Variants in IRF2 observed in about 807,000 individuals in gnomAD.
IRF2 encodes the protein interferon regulatory factor 2.
IRF2 carries 15 observed loss-of-function variants against 40.6 expected under a neutral mutation model. The ratio of observed to expected loss-of-function variants is 0.37; its 90% CI spans 0.25 to 0.57. The LOEUF is 0.57. Among genes scored for constraint, IRF2 ranks in the 20% least tolerant of loss-of-function variants. IRF2 has a pLI of 0.77. For missense variants in IRF2, 317 were observed against 455.7 expected (o/e 0.70, Z 2.77); for synonymous variants, 151 against 165.5 (o/e 0.91, Z 0.67).
intron 2 of IRF2, among the ~76,000 whole-genome samples, chr4:184,427,519 A>G (rs950292268): frequency 6.6e-6 from 1 of 152,092 alleles, no homozygotes; most frequent in Non-Finnish European, 1.5e-5. Flanking sequence ...CCAGGAGCGC[A>G]CCTGTGGTCC....
At chr4:184,471,508 G>A (rs1739513114) in intron 1 of IRF2, among the ~76,000 whole-genome samples, 1 of 152,188 alleles carries the variant, frequency 6.6e-6, no homozygotes, top group South Asian at 2.1e-4. Flanking sequence ...CTATAACCCA[G>A]ATACTCCATT....
Position 184,388,841 on chromosome 4 carries a change from T to C in IRF2, c.967A>G (p.Ser323Gly). The C allele has an allele frequency of 6.2e-7, 1 of 1,614,086 alleles. No homozygotes were observed. Among genetic ancestry groups the C allele is most frequent in the Non-Finnish European group, 8.5e-7 (1 of 1,180,032 alleles). Residue 323 changes from serine (S) to glycine (G), a missense_variant, in exon 9 of 9, where the codon AGC (serine) becomes GGC (glycine). Coordinates refer to ENST00000393593, the MANE Select transcript of IRF2 (RefSeq NM_002199.4). This position sits in a 1 kb window ranked among gnomAD's most constrained non-coding sequence, Gnocchi z 4.6. ...CGGGTCTCCCGGTCTGGCCGACTGC[T>C]GCTGGATGCTGGGGTCATGGAGGAA... ...LSSSMTPASS[S>G]SRPDRETRAS...
intron 8 of IRF2, 117 bp from the exon 9 acceptor site, chr4:184,389,183 G>A: frequency 1.0e-6 from 1 of 988,478 alleles, no homozygotes; most frequent in Non-Finnish European, 1.6e-6. Context: ...ACTTTGGGAG[G>A]CTGAGGCTGG....
rs1482739521 is a variant in IRF2 at position 184,389,073 on chromosome 4, A to G, written c.742-7T>C. ...TCCGCCAGTGTGGCCGCCCCTTTCA[A>G]GAAAGTAATTAAGATATGTATTTCC... On this transcript the variant is annotated splice_polypyrimidine_tract_variant and splice_region_variant and intron_variant, in intron 8 of 8. Coordinates refer to ENST00000393593, the MANE Select transcript of IRF2 (RefSeq NM_002199.4). 1 of 1,613,410 alleles carries G rather than the reference A, an allele frequency of 6.2e-7. No individual in the cohort carries two copies. The highest frequency in any genetic ancestry group is 1.1e-5 in the South Asian group (1 of 91,038).
chr4:184,465,715 G>C (rs1561131263), intron 1 of IRF2, among the ~76,000 whole-genome samples: 1 of 152,156 alleles, frequency 6.6e-6, no homozygotes, highest in Non-Finnish European at 1.5e-5. Context: ...GTCTGGATGT[G>C]CCGTAATTCG....
chr4:184,394,588 G>A lies in IRF2; in HGVS notation c.695-3839C>T, dbSNP rs17075765. On this transcript the variant is annotated intron_variant, in intron 7 of 8. Coordinates refer to ENST00000393593, the MANE Select transcript of IRF2 (RefSeq NM_002199.4). ...AAATGCAAGCCTGGTGTGGTTTCCC[G>A]AAGGATTCAAAGCCTTTACTGATGG... 2.1e-3 allele frequency among the ~76,000 whole-genome samples: 316 copies of A among 152,274 alleles called. 7 individuals carry two copies. The highest frequency in any genetic ancestry group is 6.7e-3 in the African/African-American group (280 of 41,556).
At chr4:184,400,160 G>A (rs892649003) in intron 6 of IRF2, among the ~76,000 whole-genome samples, 6 of 152,076 alleles carry the variant, frequency 3.9e-5, no homozygotes, top group Non-Finnish European at 8.8e-5. Context: ...GTTCCATCAC[G>A]ACCAATCTCT....
intron 2 of IRF2, among the ~76,000 whole-genome samples, chr4:184,421,428 G>A (rs373823707): frequency 1.3e-4 from 20 of 152,288 alleles, no homozygotes; most frequent in African/African-American, 4.6e-4. Flanking sequence ...GGGGCTGAGT[G>A]ACATTTTATG....
chr4:184,438,640 G>A (rs116107302), intron 1 of IRF2, among the ~76,000 whole-genome samples: 5,654 of 152,210 alleles, frequency 0.037, 365 homozygotes, highest in African/African-American at 0.13. Context: ...TATGTGATTC[G>A]CCTGCCTTGG....
chr4:184,439,802 T>C (rs1187870840), intron 1 of IRF2, among the ~76,000 whole-genome samples: 2 of 152,208 alleles, frequency 1.3e-5, no homozygotes, highest in African/African-American at 4.8e-5. Context: ...GTGTGCTGCA[T>C]CCGAACCATA....
At chr4:184,393,416 C>T (rs1458930562) in intron 7 of IRF2, among the ~76,000 whole-genome samples, 2 of 152,266 alleles carry the variant, frequency 1.3e-5, no homozygotes, top group African/African-American at 4.8e-5. Context: ...TTTTCCTTTC[C>T]CCTCCAAATA....
At chr4:184,403,303 T>C (rs1207677874) in intron 6 of IRF2, among the ~76,000 whole-genome samples, 2 of 152,152 alleles carry the variant, frequency 1.3e-5, no homozygotes, top group Non-Finnish European at 2.9e-5. Context: ...TGAACTGATT[T>C]CCCTGGACCA....
intron 6 of IRF2, among the ~76,000 whole-genome samples, chr4:184,403,662 T>A (rs1045123870): frequency 2.0e-5 from 3 of 152,236 alleles, no homozygotes; most frequent in Non-Finnish European, 4.4e-5. Context: ...TTCAACTCTT[T>A]ATAATATGCT....
chr4:184,433,034 G>A (rs1332133721), intron 1 of IRF2, among the ~76,000 whole-genome samples: 1 of 152,228 alleles, frequency 6.6e-6, no homozygotes, highest in Admixed American at 6.5e-5. Context: ...ACAGCAGTCA[G>A]TGACAGGGAG....
intron 1 of IRF2, among the ~76,000 whole-genome samples, chr4:184,469,515 C>A (rs1295823361): frequency 2.0e-5 from 3 of 152,074 alleles, no homozygotes; most frequent in Non-Finnish European, 4.4e-5. Flanking sequence ...CGTCTCTACA[C>A]AAAAATGTAT....
intron 1 of IRF2, among the ~76,000 whole-genome samples, chr4:184,464,753 T>G (rs969542584): frequency 1.3e-5 from 2 of 152,216 alleles, no homozygotes; most frequent in East Asian, 3.8e-4. Context: ...ATCCCCAGGT[T>G]ACAAGTGTCT....
At chr4:184,414,860 A>G (rs919955479) in intron 5 of IRF2, among the ~76,000 whole-genome samples, 1 of 152,266 alleles carries the variant, frequency 6.6e-6, no homozygotes, top group African/African-American at 2.4e-5. Flanking sequence ...ACCATATGAA[A>G]GACAAATTTC....
At chr4:184,463,318 T>C (rs1739209129) in intron 1 of IRF2, among the ~76,000 whole-genome samples, 2 of 152,222 alleles carry the variant, frequency 1.3e-5, no homozygotes, top group South Asian at 4.1e-4. Flanking sequence ...CACACCTTGA[T>C]TGATTTCCTT....
chr4:184,462,486 T>C (rs1739180626), intron 1 of IRF2, among the ~76,000 whole-genome samples: 1 of 152,210 alleles, frequency 6.6e-6, no homozygotes, highest in Admixed American at 6.5e-5. Context: ...ATACTTGATT[T>C]CAAAAGAATT....
Sources: gnomAD v4.1 joint callset for allele counts (sites outside exome capture counted in the v4.1 genomes callset) on GRCh38, gnomAD v4.1.1 for gene constraint, Gnocchi (gnomAD v3.1) non-coding constraint, MANE v1.5 for transcripts, NCBI Gene and HGNC (gene_info 2026-07-23, HGNC 2026-07-21) for gene names.